The following LYPD6B variants were observed in gnomAD, a reference collection of about 807,000 sequenced individuals.
LYPD6B encodes ly6/PLAUR domain-containing protein 6B.
A neutral mutation model predicts 22.8 loss-of-function variants in LYPD6B; 17 were observed. The ratio of observed to expected loss-of-function variants is 0.75; its 90% confidence interval spans 0.51 to 1.12. The LOEUF (loss-of-function observed/expected upper bound fraction) is 1.12, where lower values mean the gene tolerates loss of function less well. Among genes scored for constraint, LYPD6B ranks in the 50% most tolerant of loss-of-function variants. LYPD6B has a pLI of 0.00. For synonymous variants in LYPD6B, 106 were observed against 91.6 expected, an observed-to-expected ratio of 1.16 and a Z score of -0.90; for missense variants, 221 against 258.3, an observed-to-expected ratio of 0.86 and a Z score of 0.99.
At chr2:149,135,712 C>G (rs866807303) in intron 2 of LYPD6B, among the ~76,000 whole-genome samples, 3 of 94,270 alleles carry the variant, frequency 3.2e-5, no homozygotes, top group African/African-American at 8.4e-5. Context: ...AGAGGGAGAC[C>G]ATGTCTCAAA....
chr2:149,047,091 A>G (rs887449210), intron 1 of LYPD6B, among the ~76,000 whole-genome samples: 2 of 152,226 alleles, frequency 1.3e-5, no homozygotes, highest in African/African-American at 4.8e-5. Flanking sequence ...GTTATCTTTT[A>G]TAGCAATTAA....
chr2:149,203,414 G>A (rs1313731201), intron 3 of LYPD6B, among the ~76,000 whole-genome samples: 1 of 152,032 alleles, frequency 6.6e-6, no homozygotes, highest in East Asian at 1.9e-4. Flanking sequence ...TATAAAGAAG[G>A]GTATAATAAT....
At chr2:149,132,924 T>C (rs1223741977) in intron 2 of LYPD6B, among the ~76,000 whole-genome samples, 2 of 152,202 alleles carry the variant, frequency 1.3e-5, no homozygotes, top group Non-Finnish European at 2.9e-5. Context: ...CATTTCATTG[T>C]AGCAACAGAC....
chr2:149,077,081 C>A (rs1684914824), intron 1 of LYPD6B, among the ~76,000 whole-genome samples: 2 of 152,220 alleles, frequency 1.3e-5, no homozygotes, highest in African/African-American at 4.8e-5. Context: ...GTGCCTCTGG[C>A]CATAGCCGAA....
At chr2:149,126,149 G>T (rs1687683131) in intron 1 of LYPD6B, among the ~76,000 whole-genome samples, 1 of 152,164 alleles carries the variant, frequency 6.6e-6, no homozygotes, top group African/African-American at 2.4e-5. Flanking sequence ...TGAGAAATTA[G>T]CTGTCAGTCT....
At chr2:149,214,403 C>A (rs1052792466) in intron 6 of LYPD6B, 143 bp from the exon 7 acceptor site, 1 of 750,858 alleles carries the variant, frequency 1.3e-6, no homozygotes, top group Non-Finnish European at 2.2e-6. Flanking sequence ...TACCCAAGAG[C>A]CTAGATGATG....
intron 1 of LYPD6B, among the ~76,000 whole-genome samples, chr2:149,052,244 A>G (rs1210005669): frequency 6.6e-6 from 1 of 151,908 alleles, no homozygotes; most frequent in Non-Finnish European, 1.5e-5. Context: ...TTTAGTAGAG[A>G]TAGGGGTTCA....
At chr2:149,115,119 A>C (rs555706969) in intron 1 of LYPD6B, among the ~76,000 whole-genome samples, 11 of 152,080 alleles carry the variant, frequency 7.2e-5, no homozygotes, top group Non-Finnish European at 1.3e-4. Context: ...TTGTCTTTTT[A>C]GTAGAGATGG....
chr2:149,206,273 G>T, intron 4 of LYPD6B: 2 of 246,532 alleles, frequency 8.1e-6, no homozygotes, highest in East Asian at 1.8e-4. Context: ...GTTGATACAT[G>T]GTCAGGTGTG....
chr2:149,113,075 G>A (rs1304947664), intron 1 of LYPD6B, among the ~76,000 whole-genome samples: 6 of 152,104 alleles, frequency 3.9e-5, no homozygotes, highest in Non-Finnish European at 8.8e-5. Flanking sequence ...TGGAGAAAAT[G>A]GAATGCATCA....
chr2:149,124,422 C>T lies in LYPD6B; in HGVS notation c.-66-6461C>T, dbSNP rs113500071. On this transcript the variant is annotated intron_variant, in intron 1 of 6. Coordinates refer to ENST00000409642, the MANE Select transcript of LYPD6B (RefSeq NM_177964.5). Reference sequence around the variant, plus strand: ...GTAAAGGTGTGTTTAGTGATAAGTGCGTGGTCTGTTTTTTTGGCAGGGGTT... The same window carrying T: ...GTAAAGGTGTGTTTAGTGATAAGTGTGTGGTCTGTTTTTTTGGCAGGGGTT... Among the ~76,000 whole-genome samples, 446 of 152,210 alleles carry T rather than the reference C, an allele frequency of 2.9e-3. 2 individuals carry two copies. The highest frequency in any genetic ancestry group is 9.6e-3 in the African/African-American group (397 of 41,526).
intron 3 of LYPD6B, among the ~76,000 whole-genome samples, chr2:149,162,359 G>A (rs1240367163): frequency 6.6e-6 from 1 of 152,130 alleles, no homozygotes; most frequent in Non-Finnish European, 1.5e-5. Context: ...TGAGGAAACT[G>A]AGGCTTACCT....
intron 1 of LYPD6B, among the ~76,000 whole-genome samples, chr2:149,060,714 C>T (rs868630793): frequency 6.6e-6 from 1 of 152,090 alleles, no homozygotes; most frequent in African/African-American, 2.4e-5. Context: ...AAGGTCTAGG[C>T]TCCCACCCAG....
Position 149,154,479 on chromosome 2 carries a change from G to A in LYPD6B, c.6-6285G>A, listed in dbSNP as rs550200447. 6.2e-4 allele frequency among the ~76,000 whole-genome samples: 40 copies of A among 64,896 alleles called. No homozygotes were observed. In the South Asian group the frequency reaches 7.3e-3, roughly 12 times the overall value. The allele number at this position is 64,896 out of a possible 152,430, so 42.6% of individuals were successfully genotyped here. On this transcript the variant is annotated intron_variant, in intron 2 of 6. Transcript: ENST00000409642. ...TGAGAATCGATTTATGTTGTTTTAAGCCACCATTTTTTTTTGTAATTTATT... is the reference window on the plus strand; with the variant it reads ...TGAGAATCGATTTATGTTGTTTTAAACCACCATTTTTTTTTGTAATTTATT...
intron 3 of LYPD6B, among the ~76,000 whole-genome samples, chr2:149,173,316 T>G (rs967254892): frequency 1.3e-5 from 2 of 151,492 alleles, no homozygotes; most frequent in African/African-American, 4.8e-5. Flanking sequence ...TAACATCTTG[T>G]TGATTTCAGC....
chr2:149,140,588 C>T (rs574475516), intron 2 of LYPD6B, among the ~76,000 whole-genome samples: 23 of 152,314 alleles, frequency 1.5e-4, no homozygotes, highest in African/African-American at 5.5e-4. Flanking sequence ...CAATGTCCCT[C>T]CCACACTCTT....
chr2:149,176,135 A>G (rs1167953774), intron 3 of LYPD6B, among the ~76,000 whole-genome samples: 1 of 152,228 alleles, frequency 6.6e-6, no homozygotes, highest in Non-Finnish European at 1.5e-5. Context: ...CACCACAAAC[A>G]TGTTAGCAAT....
chr2:149,108,806 A>G (rs1686622202), intron 1 of LYPD6B, among the ~76,000 whole-genome samples: 1 of 152,130 alleles, frequency 6.6e-6, no homozygotes, highest in African/African-American at 2.4e-5. Flanking sequence ...GAGTTTTTAA[A>G]AAATAATTCC....
chr2:149,059,608 C>T (rs1331554807), intron 1 of LYPD6B, among the ~76,000 whole-genome samples: 2 of 152,194 alleles, frequency 1.3e-5, no homozygotes, highest in Non-Finnish European at 2.9e-5. Context: ...TTCATTACGG[C>T]GTTGTTCCGT....
Sources: gnomAD v4.1 joint callset for allele counts (sites outside exome capture counted in the v4.1 genomes callset) on GRCh38, gnomAD v4.1.1 for gene constraint, MANE v1.5 for transcripts, NCBI Gene and HGNC (gene_info 2026-07-23, HGNC 2026-07-21) for gene names.